ARHGAP32: variants seen among roughly 807,000 people sequenced by gnomAD.
ARHGAP32 encodes Rho GTPase activating protein 32, also known as rho GTPase-activating protein 32.
ARHGAP32 carries 51 observed loss-of-function variants against 186.5 expected under a neutral mutation model. The observed-to-expected ratio is 0.27, with a 90% CI of 0.22 to 0.35. The LOEUF is 0.35. ARHGAP32 is among the 10% of genes least tolerant of loss of function. ARHGAP32 has a pLI of 1.00. For synonymous variants in ARHGAP32, 950 were observed against 964.3 expected (o/e 0.99, Z 0.27); for missense variants, 2,186 against 2,623.5 (o/e 0.83, Z 3.64).
At chr11:129,187,073 T>C (rs1944177540) in intron 1 of ARHGAP32, among the ~76,000 whole-genome samples, 1 of 152,190 alleles carries the variant, frequency 6.6e-6, no homozygotes, top group African/African-American at 2.4e-5. Flanking sequence ...CCCATATTTG[T>C]TGCAGCACTG....
intron 11 of ARHGAP32, among the ~76,000 whole-genome samples, chr11:129,027,993 T>A (rs2134942752): frequency 6.6e-6 from 1 of 152,246 alleles, no homozygotes; most frequent in East Asian, 1.9e-4. Context: ...AAAAGACTGA[T>A]TAGGGGGCTA....
intron 1 of ARHGAP32, among the ~76,000 whole-genome samples, chr11:129,181,666 T>C (rs923274678): frequency 7.2e-5 from 11 of 152,132 alleles, no homozygotes; most frequent in Admixed American, 6.6e-4. Flanking sequence ...CTAACACCGA[T>C]GAGGACAGTT....
intron 6 of ARHGAP32, among the ~76,000 whole-genome samples, chr11:129,069,789 G>A (rs973173369): frequency 5.9e-5 from 9 of 151,996 alleles, no homozygotes; most frequent in African/African-American, 2.2e-4. Flanking sequence ...TTAAAGGTGA[G>A]GAGAGAAATG....
intron 6 of ARHGAP32, among the ~76,000 whole-genome samples, chr11:129,086,829 A>G (rs975151811): frequency 6.6e-6 from 1 of 151,782 alleles, no homozygotes; most frequent in Non-Finnish European, 1.5e-5. Context: ...TCAAAAAAAA[A>G]AAAAAAAAAG....
At chr11:129,062,050 A>ACATTTTGG (rs1224818207) in intron 10 of ARHGAP32, among the ~76,000 whole-genome samples, 23 of 152,206 alleles carry the variant, frequency 1.5e-4, no homozygotes, top group Middle Eastern at 3.2e-3. Flanking sequence ...GATGCTATTC[A>ACATTTTGG]CATTTTGGCT....
intron 11 of ARHGAP32, among the ~76,000 whole-genome samples, chr11:128,998,867 T>A (rs1946272015): frequency 6.6e-6 from 1 of 152,210 alleles, no homozygotes. Context: ...ATCAATACTC[T>A]TGTGGTTTCC....
chr11:129,179,957 T>C (rs1314004329), intron 1 of ARHGAP32, among the ~76,000 whole-genome samples: 1 of 151,726 alleles, frequency 6.6e-6, no homozygotes, highest in Non-Finnish European at 1.5e-5. Flanking sequence ...TAAAAAAAAA[T>C]TGGAAAAGAA....
chr11:129,134,538 A>C (rs1038559891), intron 2 of ARHGAP32, among the ~76,000 whole-genome samples: 4 of 152,242 alleles, frequency 2.6e-5, no homozygotes, highest in African/African-American at 9.6e-5. Context: ...ATTAGCAATA[A>C]ACATGCAGAA....
chr11:129,095,972 G>A (rs1207488022), intron 5 of ARHGAP32, among the ~76,000 whole-genome samples: 1 of 152,150 alleles, frequency 6.6e-6, no homozygotes, highest in Admixed American at 6.5e-5. Flanking sequence ...CTCAATCAAA[G>A]TAAAGCTGTC....
intron 1 of ARHGAP32, among the ~76,000 whole-genome samples, chr11:129,181,380 G>C (rs976472475): frequency 1.3e-5 from 2 of 152,058 alleles, no homozygotes; most frequent in East Asian, 1.9e-4. Flanking sequence ...AGATATGTCC[G>C]AAGTGCTCAG....
At chr11:128,971,384 A>G (rs1180624447) in intron 22 of ARHGAP32, 1 of 484,880 alleles carries the variant, frequency 2.1e-6, no homozygotes, top group Non-Finnish European at 3.6e-6. Flanking sequence ...AAGTTTTCTA[A>G]TTTATGAGAG....
chr11:129,058,934 A>G (rs536489069), intron 10 of ARHGAP32, among the ~76,000 whole-genome samples: 1 of 152,346 alleles, frequency 6.6e-6, no homozygotes, highest in South Asian at 2.1e-4. Context: ...GAACAGTCTG[A>G]AGAGTTTTTC....
At chr11:129,249,291 T>C (rs1945146795) in intron 1 of ARHGAP32, among the ~76,000 whole-genome samples, 1 of 152,072 alleles carries the variant, frequency 6.6e-6, no homozygotes. Flanking sequence ...ATACATACAG[T>C]ATGTATTAAA....
chr11:129,036,940 C>T (rs1300803915), intron 11 of ARHGAP32, among the ~76,000 whole-genome samples: 1 of 152,110 alleles, frequency 6.6e-6, no homozygotes, highest in African/African-American at 2.4e-5. Context: ...ACTGTAGATA[C>T]CATAATCTTG....
At chr11:128,998,273 G>A (rs1360248766) in intron 12 of ARHGAP32, 46 bp downstream of exon 12, 1 of 1,438,396 alleles carries the variant, frequency 7.0e-7, no homozygotes, top group African/African-American at 1.4e-5. Flanking sequence ...AACCAATATG[G>A]AGAGGTCAGA....
intron 1 of ARHGAP32, among the ~76,000 whole-genome samples, chr11:129,174,160 T>G (rs930278861): frequency 1.3e-5 from 2 of 152,166 alleles, no homozygotes; most frequent in African/African-American, 4.8e-5. Flanking sequence ...TTCCCTTTCC[T>G]AGTCAAAGAA....
intron 1 of ARHGAP32, among the ~76,000 whole-genome samples, chr11:129,191,676 A>G (rs997485424): frequency 2.9e-4 from 43 of 147,034 alleles, no homozygotes; most frequent in Admixed American, 1.3e-3. Flanking sequence ...GCACGCACAC[A>G]CACACACACA....
At chr11:129,061,763 GA>G (rs1940512819) in intron 10 of ARHGAP32, among the ~76,000 whole-genome samples, 1 of 152,062 alleles carries the variant, frequency 6.6e-6, no homozygotes, top group Non-Finnish European at 1.5e-5. Context: ...TAATGTTTTC[GA>G]ACCTTGGTTA....
At chr11:129,206,032 G>T (rs1025323269) in intron 1 of ARHGAP32, among the ~76,000 whole-genome samples, 1 of 151,892 alleles carries the variant, frequency 6.6e-6, no homozygotes, top group Non-Finnish European at 1.5e-5. Flanking sequence ...CATCTGACTG[G>T]ATTATATGTA....
Sources: allele counts gnomAD v4.1 joint callset (sites outside exome capture counted in the v4.1 genomes callset), GRCh38; gene constraint gnomAD v4.1.1; transcripts MANE v1.5; gene names NCBI Gene and HGNC (gene_info 2026-07-23, HGNC 2026-07-21).